CLSTN2: variants seen among roughly 807,000 people sequenced by gnomAD.
The protein encoded by CLSTN2 is calsyntenin 2.
In CLSTN2, 48 loss-of-function variants were observed where a neutral mutation model predicts 101.2. The observed-to-expected ratio is 0.47, with a 90% CI of 0.38 to 0.60. The LOEUF (loss-of-function observed/expected upper bound fraction) is 0.60. CLSTN2 is among the 20% of genes least tolerant of loss of function. CLSTN2 has a pLI of 0.00. For synonymous variants in CLSTN2, 481 were observed against 463.6 expected (o/e 1.04, Z -0.48); for missense variants, 1,160 against 1,238.2 (o/e 0.94, Z 0.95).
At chr3:140,420,274 G>T (rs2088485696) in intron 4 of CLSTN2, among the ~76,000 whole-genome samples, 1 of 149,866 alleles carries the variant, frequency 6.7e-6, no homozygotes. Flanking sequence ...GTTCTAATTT[G>T]CTGTCAACTC....
At chr3:140,281,503 C>T (rs1430451068) in intron 2 of CLSTN2, among the ~76,000 whole-genome samples, 3 of 152,166 alleles carry the variant, frequency 2.0e-5, no homozygotes. Flanking sequence ...TGCTATTTTG[C>T]CTGTGTCTTT....
chr3:140,455,274 C>A (rs1268349963), intron 6 of CLSTN2, among the ~76,000 whole-genome samples: 1 of 152,184 alleles, frequency 6.6e-6, no homozygotes, highest in Non-Finnish European at 1.5e-5. Flanking sequence ...AGAGGTGGAC[C>A]CTGAGGAGGC....
At chr3:140,507,932 T>C (rs955680939) in intron 8 of CLSTN2, 2 of 152,166 alleles carry the variant, frequency 1.3e-5, no homozygotes, top group African/African-American at 4.8e-5. Context: ...TTTAAGAAAC[T>C]TGCCCCAAGT....
intron 1 of CLSTN2, among the ~76,000 whole-genome samples, chr3:139,977,446 G>A (rs1008949800): frequency 6.6e-6 from 1 of 152,154 alleles, no homozygotes; most frequent in East Asian, 1.9e-4. Flanking sequence ...TTCTTCTCTT[G>A]TTCTTCCAGA....
At chr3:140,122,817 A>AT (rs2009365645) in intron 1 of CLSTN2, among the ~76,000 whole-genome samples, 1 of 152,060 alleles carries the variant, frequency 6.6e-6, no homozygotes, top group African/African-American at 2.4e-5. Flanking sequence ...GCGGTCACAT[A>AT]TTTTGTTGTT....
chr3:140,268,440 CAT>C (rs1559824182), intron 2 of CLSTN2, among the ~76,000 whole-genome samples: 1 of 152,156 alleles, frequency 6.6e-6, no homozygotes, highest in Non-Finnish European at 1.5e-5. Flanking sequence ...TATGGAAAAA[CAT>C]ATACACTTTA....
chr3:140,478,881 A>AGGAG, intron 8 of CLSTN2, among the ~76,000 whole-genome samples: 1 of 149,036 alleles, frequency 6.7e-6, no homozygotes, highest in East Asian at 2.0e-4. Flanking sequence ...GGAGGAAGGA[A>AGGAG]GGAAGGAAGG....
chr3:140,147,298 C>T (rs1169916657), intron 1 of CLSTN2, among the ~76,000 whole-genome samples: 1 of 152,216 alleles, frequency 6.6e-6, no homozygotes, highest in Non-Finnish European at 1.5e-5. Context: ...TTGCTTTATG[C>T]CCACCTTGTT....
At chr3:140,120,042 G>C (rs1487479067) in intron 1 of CLSTN2, among the ~76,000 whole-genome samples, 1 of 152,096 alleles carries the variant, frequency 6.6e-6, no homozygotes, top group East Asian at 1.9e-4. Flanking sequence ...ATGCGTAGAG[G>C]TTTTTCCCCA....
At chr3:140,388,923 G>T (rs930687249) in intron 2 of CLSTN2, among the ~76,000 whole-genome samples, 2 of 151,892 alleles carry the variant, frequency 1.3e-5, no homozygotes, top group Admixed American at 1.3e-4. Flanking sequence ...ATATATGAAT[G>T]TTAACTTTTG....
chr3:140,207,529 T>C (rs2010799054), intron 2 of CLSTN2, among the ~76,000 whole-genome samples: 1 of 152,198 alleles, frequency 6.6e-6, no homozygotes, highest in Admixed American at 6.5e-5. Context: ...AAAAATTAAA[T>C]AAGATGACAT....
chr3:140,529,663 T>C (rs1304498752), intron 8 of CLSTN2, among the ~76,000 whole-genome samples: 1 of 152,200 alleles, frequency 6.6e-6, no homozygotes, highest in Non-Finnish European at 1.5e-5. Context: ...TTAGCTGCTG[T>C]CACAGATTAC....
intron 8 of CLSTN2, among the ~76,000 whole-genome samples, chr3:140,513,583 C>CTTTTTTTTTTTTTTTT (rs55778787): frequency 1.1e-3 from 133 of 117,656 alleles, no homozygotes; most frequent in East Asian, 2.4e-3. Context: ...TTTTTTCTTT[C>CTTTTTTTTTTTTTTTT]TTTTTTTTTT....
At chr3:140,052,608 A>G (rs1215188660) in intron 1 of CLSTN2, among the ~76,000 whole-genome samples, 6 of 152,204 alleles carry the variant, frequency 3.9e-5, no homozygotes, top group Admixed American at 2.6e-4. Flanking sequence ...TTTATTTGTA[A>G]CCAGCTGTGT....
chr3:139,978,573 T>C (rs1456293800), intron 1 of CLSTN2, among the ~76,000 whole-genome samples: 3 of 152,068 alleles, frequency 2.0e-5, no homozygotes, highest in Non-Finnish European at 4.4e-5. Context: ...ATAGTCATCA[T>C]TGTGTAAACA....
intron 1 of CLSTN2, among the ~76,000 whole-genome samples, chr3:139,980,456 A>G (rs761635089): frequency 6.6e-6 from 1 of 152,074 alleles, no homozygotes; most frequent in African/African-American, 2.4e-5. Flanking sequence ...ATTATGGAAA[A>G]TGGTTCCATA....
At chr3:140,056,299 G>C (rs991295786) in intron 1 of CLSTN2, among the ~76,000 whole-genome samples, 1 of 152,200 alleles carries the variant, frequency 6.6e-6, no homozygotes, top group African/African-American at 2.4e-5. Context: ...TTACTGGCTA[G>C]ATGAATGTCT....
intron 1 of CLSTN2, among the ~76,000 whole-genome samples, chr3:140,129,971 G>A (rs1014575067): frequency 6.6e-6 from 1 of 152,210 alleles, no homozygotes; most frequent in Non-Finnish European, 1.5e-5. Flanking sequence ...AAAGTAAACT[G>A]CCTGATGTAC....
chr3:140,557,258 AAGTGCAGTCATGCTGCACCTAG>A (rs762103697), intron 11 of CLSTN2, among the ~76,000 whole-genome samples: 22 of 152,174 alleles, frequency 1.4e-4, no homozygotes, highest in Non-Finnish European at 2.6e-4. Flanking sequence ...TGGAAGGTAG[AAGTGCAGTCATGCTGCACCTAG>A]AGTCGGGAGA....
Sources: allele counts gnomAD v4.1 joint callset (sites outside exome capture counted in the v4.1 genomes callset), GRCh38; gene constraint gnomAD v4.1.1; transcripts MANE v1.5; gene names NCBI Gene and HGNC (gene_info 2026-07-23, HGNC 2026-07-21).